Variants in SLC17A5 observed in about 807,000 individuals in gnomAD.
The protein encoded by SLC17A5 is solute carrier family 17 member 5.
A neutral mutation model predicts 59.4 loss-of-function variants in SLC17A5; 47 were observed. The observed-to-expected ratio is 0.79, with a 90% confidence interval of 0.63 to 1.01. The LOEUF (loss-of-function observed/expected upper bound fraction) is 1.01. Among genes scored for constraint, SLC17A5 ranks in the 50% least tolerant of loss-of-function variants. The pLI, the probability that SLC17A5 is intolerant of heterozygous loss-of-function variation, is 0.00. For missense variants in SLC17A5, 522 were observed against 595.5 expected, an observed-to-expected ratio of 0.88 and a Z score of 1.28; for synonymous variants, 202 against 210.7, an observed-to-expected ratio of 0.96 and a Z score of 0.36.
intron 6 of SLC17A5, among the ~76,000 whole-genome samples, chr6:73,628,223 A>G (rs1017642035): frequency 6.6e-6 from 1 of 152,114 alleles, no homozygotes; most frequent in African/African-American, 2.4e-5. Context: ...CTGGTCCTGA[A>G]AGTTCCTATT....
At chr6:73,635,319 A>G (rs1034238188) in intron 6 of SLC17A5, 63 bp downstream of exon 6, 22 of 888,638 alleles carry the variant, frequency 2.5e-5, no homozygotes, top group Non-Finnish European at 3.7e-5. Flanking sequence ...TTAAAAACTG[A>G]TATCTTAATT....
chr6:73,642,282 C>G lies in SLC17A5; in HGVS notation c.292-358G>C, dbSNP rs531246147. The stretch of plus-strand genomic sequence containing the variant: ...ACTATGGCTCGGGAGGCTGCCGCCC[C>G]CCCGGCCCTGCCTCCCCCTCCCAAA... On this transcript the variant is annotated intron_variant, in intron 2 of 10. Coordinates refer to ENST00000355773, the MANE Select transcript of SLC17A5 (RefSeq NM_012434.5). Among the ~76,000 whole-genome samples the G allele has an allele frequency of 2.6e-5, 4 of 152,248 alleles. 1 individual carries two copies. Among genetic ancestry groups the G allele is most frequent in the Admixed American group, 2.6e-4 (4 of 15,292 alleles).
chr6:73,596,187 C>T (rs773772102), intron 10 of SLC17A5, among the ~76,000 whole-genome samples: 2 of 152,096 alleles, frequency 1.3e-5, no homozygotes, highest in Non-Finnish European at 2.9e-5. Flanking sequence ...AAAAAGTGTA[C>T]TGGCATGTCC....
chr6:73,631,586 C>T (rs575128602), intron 6 of SLC17A5, among the ~76,000 whole-genome samples: 36 of 152,020 alleles, frequency 2.4e-4, no homozygotes, highest in Non-Finnish European at 4.1e-4. Context: ...CTCACTGCAA[C>T]GAACCAAGAA....
intron 3 of SLC17A5, among the ~76,000 whole-genome samples, chr6:73,638,762 G>T (rs1769142286): frequency 6.6e-6 from 1 of 151,790 alleles, no homozygotes; most frequent in African/African-American, 2.4e-5. Flanking sequence ...TTGAGCCCAG[G>T]AGTTCGAGAT....
At chr6:73,612,572 A>AT (rs575492093) in intron 8 of SLC17A5, among the ~76,000 whole-genome samples, 1 of 151,778 alleles carries the variant, frequency 6.6e-6, no homozygotes, top group Non-Finnish European at 1.5e-5. Flanking sequence ...TTCTACGTAC[A>AT]TTTTTTTCTA....
rs71674685 is a variant in SLC17A5, at chr6:73,615,880, C to CTTTTT, written c.979-438_979-434dup. Among the ~76,000 whole-genome samples the CTTTTT allele has an allele frequency of 7.4e-3, 723 of 97,194 alleles. 8 individuals are homozygous for CTTTTT. The highest frequency in any genetic ancestry group is 0.01 in the Non-Finnish European group (495 of 47,884). 63.8% of individuals were successfully genotyped at this position (97,194 alleles called of 152,430 possible). A position where few individuals can be genotyped will look rare whatever the true frequency, so the allele number is the denominator to read the frequency against. On this transcript the variant is annotated intron_variant, in intron 7 of 10. Coordinates refer to ENST00000355773, the MANE Select transcript of SLC17A5 (RefSeq NM_012434.5). ...CATAAACATAGCTTAATGAATCATT[C>CTTTTT]TTTTTTTTTTTTTTTTTTTTTTTGA...
At position 73,640,892 on chromosome 6, in the gene SLC17A5, A is replaced by G. The variant is rs541699799; in HGVS notation, c.525+799T>C. 3.7e-3 allele frequency among the ~76,000 whole-genome samples: 557 copies of G among 152,352 alleles called. 4 individuals carry two copies. The highest frequency in any genetic ancestry group is 0.013 in the African/African-American group (532 of 41,586). On this transcript the variant is annotated intron_variant, in intron 3 of 10. Coordinates refer to ENST00000355773, the MANE Select transcript of SLC17A5 (RefSeq NM_012434.5). ...CAGAATCATAGAACTAAATTGAGAT[A>G]GTTATATAAAATCATAAAATATTTG...
chr6:73,608,381 A>C (rs1767493030), intron 9 of SLC17A5, among the ~76,000 whole-genome samples: 1 of 152,120 alleles, frequency 6.6e-6, no homozygotes, highest in Non-Finnish European at 1.5e-5. Context: ...TGAATGAAGA[A>C]GCATGTAGTC....
intron 6 of SLC17A5, chr6:73,635,121 T>C (rs930870551): frequency 4.5e-6 from 1 of 220,826 alleles, no homozygotes; most frequent in Non-Finnish European, 8.8e-6. Flanking sequence ...AAATGTTTTG[T>C]AGAGAAAGGG....
At chr6:73,634,223 A>G (rs1268337482) in intron 6 of SLC17A5, among the ~76,000 whole-genome samples, 1 of 152,178 alleles carries the variant, frequency 6.6e-6, no homozygotes, top group East Asian at 1.9e-4. Context: ...AAACAGATGT[A>G]TATCATATTA....
rs1766719899 is a variant in SLC17A5 at position 73,594,765 on chromosome 6, A to G, written c.*312T>C. The G allele has an allele frequency of 2.7e-6, 1 of 371,626 alleles. No individual in the cohort carries two copies. The highest frequency in any genetic ancestry group is 5.0e-6 in the Non-Finnish European group (1 of 198,836). 23.0% of individuals were successfully genotyped at this position (371,626 alleles called of 1,614,324 possible). A position where few individuals can be genotyped will look rare whatever the true frequency, so the allele number is the denominator to read the frequency against. The stretch of plus-strand genomic sequence containing the variant: ...AGTTTAATTAAGCAAAGGTATCAGG[A>G]GGTCTGTTTCAGCTCATTCCCTTTA... On this transcript the variant is annotated 3_prime_UTR_variant, in exon 11 of 11. Coordinates refer to ENST00000355773, the MANE Select transcript of SLC17A5 (RefSeq NM_012434.5).
intron 8 of SLC17A5, among the ~76,000 whole-genome samples, chr6:73,611,384 A>G (rs1013832162): frequency 6.6e-6 from 1 of 152,002 alleles, no homozygotes; most frequent in African/African-American, 2.4e-5. Flanking sequence ...GGTTCAAGTG[A>G]TTCTCCTGCC....
In SLC17A5 at chr6:73,653,079, G is replaced by A. The variant is rs946641625; in HGVS notation, c.94+714C>T. ...CTTTAGAACTCCATAGGTATCTTGAGGATAACTGAACCTTTTCCTAACTTA... is the reference window on the plus strand; with the variant it reads ...CTTTAGAACTCCATAGGTATCTTGAAGATAACTGAACCTTTTCCTAACTTA... On this transcript the variant is annotated intron_variant, in intron 1 of 10. Coordinates refer to ENST00000355773, the MANE Select transcript of SLC17A5 (RefSeq NM_012434.5). 35 of 985,296 alleles carry A rather than the reference G, an allele frequency of 3.6e-5. No homozygotes were observed. The African/African-American group carries it at 5.8e-4, about 16-fold the overall frequency. 61.0% of individuals were successfully genotyped at this position (985,296 alleles called of 1,614,324 possible).
At chr6:73,627,614 T>C (rs1309740290) in intron 6 of SLC17A5, among the ~76,000 whole-genome samples, 2 of 150,812 alleles carry the variant, frequency 1.3e-5, no homozygotes. Context: ...TGGCAAAAAA[T>C]TAAAAATTAT....
chr6:73,595,354 C>T (rs1402100059), intron 10 of SLC17A5, 140 bp from the exon 11 acceptor site: 3 of 849,464 alleles, frequency 3.5e-6, no homozygotes, highest in Admixed American at 2.0e-5. Context: ...AAATGTCCAC[C>T]AGCAGTAGGA....
At chr6:73,615,565 G>C (rs1337046957) in intron 7 of SLC17A5, 118 bp from the exon 8 acceptor site, 1 of 1,011,426 alleles carries the variant, frequency 9.9e-7, no homozygotes, top group East Asian at 2.6e-5. Context: ...GCAATATGTT[G>C]TTAATTTTTT....
chr6:73,653,765 G>T, intron 1 of SLC17A5, 28 bp downstream of exon 1: 1 of 1,551,684 alleles, frequency 6.4e-7, no homozygotes, highest in South Asian at 1.2e-5. Flanking sequence ...CTGCCCACTC[G>T]AAGCCCCTGG....
intron 9 of SLC17A5, among the ~76,000 whole-genome samples, chr6:73,602,704 G>A (rs948538140): frequency 3.3e-5 from 5 of 151,456 alleles, no homozygotes; most frequent in African/African-American, 1.2e-4. Context: ...GAACCTGGGA[G>A]GCGGAGCTTG....
Sources: gnomAD v4.1 joint callset for allele counts (sites outside exome capture counted in the v4.1 genomes callset) on GRCh38, gnomAD v4.1.1 for gene constraint, MANE v1.5 for transcripts, NCBI Gene and HGNC (gene_info 2026-07-23, HGNC 2026-07-21) for gene names.